The following WDR19 variants were observed in gnomAD, a reference collection of about 807,000 sequenced individuals.
The protein encoded by WDR19 is WD repeat-containing protein 19.
A neutral mutation model predicts 180.0 loss-of-function variants in WDR19; 121 were observed. The observed-to-expected ratio is 0.67, with a 90% CI of 0.58 to 0.78. The LOEUF (loss-of-function observed/expected upper bound fraction) is 0.78. Among genes scored for constraint, WDR19 ranks in the 30% least tolerant of loss-of-function variants. The pLI, the probability that WDR19 is intolerant of heterozygous loss-of-function variation, is 0.00. For synonymous variants in WDR19, 497 were observed against 540.7 expected (o/e 0.92, Z 1.12); for missense variants, 1,450 against 1,640.7 (o/e 0.88, Z 2.01).
intron 7 of WDR19, among the ~76,000 whole-genome samples, chr4:39,204,874 A>C (rs1727783973): frequency 6.6e-6 from 1 of 152,236 alleles, no homozygotes. Flanking sequence ...TGTAGTGTGC[A>C]GTACTCTAAT....
rs1405779387 is a variant in WDR19, at chr4:39,253,921, T to C, written c.2892T>C (p.Leu964=). The change falls in exon 26 of 37, where the codon CTT becomes CTC. Residue 964 remains leucine, a synonymous_variant. Transcript: ENST00000399820. ...AKMVARFFLQ[L]GDYGSAIQFL... ...TTTGCTTTAGGTTTTTTCTACAGCT[T>C]GGTGACTATGGGTCTGCCATCCAGT... 2 of 1,604,594 alleles carry C rather than the reference T, an allele frequency of 1.2e-6. No individual in the cohort carries two copies. Among genetic ancestry groups the C allele is most frequent in the Non-Finnish European group, 1.7e-6 (2 of 1,174,368 alleles).
intron 28 of WDR19, among the ~76,000 whole-genome samples, chr4:39,263,250 A>G (rs1279049968): frequency 6.6e-6 from 1 of 151,690 alleles, no homozygotes; most frequent in Non-Finnish European, 1.5e-5. Context: ...TGCCTTCCCC[A>G]CTCCATGAAC....
chr4:39,274,019 G>A (rs1284980493), intron 32 of WDR19: 8 of 152,200 alleles, frequency 5.3e-5, no homozygotes, highest in Admixed American at 2.6e-4. Flanking sequence ...TGAATAATAC[G>A]TAAACGAATG....
intron 17 of WDR19, 90 bp downstream of exon 17, chr4:39,228,780 G>T: frequency 1.6e-5 from 22 of 1,352,224 alleles, no homozygotes; most frequent in South Asian, 1.5e-4. Context: ...TTATTTTATT[G>T]CTTTATTCTT....
intron 7 of WDR19, 101 bp downstream of exon 7, chr4:39,203,823 G>A (rs759990278): frequency 2.5e-4 from 284 of 1,152,708 alleles, no homozygotes; most frequent in Non-Finnish European, 3.3e-4. Flanking sequence ...AAATAAATTA[G>A]GTCCATTGAC....
chr4:39,231,310 G>A (rs28680429), intron 17 of WDR19, among the ~76,000 whole-genome samples: 1,095 of 108,790 alleles, frequency 0.01, 24 homozygotes, highest in African/African-American at 0.045. Flanking sequence ...GTGAGACTCC[G>A]TCTTCAAAAA....
chr4:39,255,911 GAT>G lies in WDR19; in HGVS notation c.3068_3069del (p.Tyr1023SerfsTer18). On this transcript the variant is annotated frameshift_variant, in exon 27 of 37. Coordinates refer to ENST00000399820, the MANE Select transcript of WDR19 (RefSeq NM_025132.4). LOFTEE classifies it high-confidence loss of function. ...GCCTTATACTTTGAAGGAGAAAAGAGATATCTTCAGGCTGGAAAATTCTTCTT... is the reference window on the plus strand; with the variant it reads ...GCCTTATACTTTGAAGGAGAAAAGAGATCTTCAGGCTGGAAAATTCTTCTT... 6.2e-7 allele frequency: 1 copy of G among 1,608,652 alleles called. No homozygotes were observed.
chr4:39,220,560 A>T (rs868033658), intron 14 of WDR19, among the ~76,000 whole-genome samples: 3,687 of 64,112 alleles, frequency 0.058, no homozygotes, highest in Admixed American at 0.059. Flanking sequence ...GACCTCCTTG[A>T]TTTTTTTTTT....
intron 33 of WDR19, 43 bp downstream of exon 33, chr4:39,275,001 A>G: frequency 6.4e-7 from 1 of 1,564,588 alleles, no homozygotes; most frequent in Non-Finnish European, 8.6e-7. Context: ...CGTATTTCTC[A>G]AAGTATTTCC....
At chr4:39,280,496 A>C (rs1015744159) in intron 36 of WDR19, among the ~76,000 whole-genome samples, 1 of 151,974 alleles carries the variant, frequency 6.6e-6, no homozygotes, top group Non-Finnish European at 1.5e-5. Flanking sequence ...ATGTCCCTAC[A>C]AAAAAATAAT....
At chr4:39,221,942 C>T (rs1729748823) in intron 14 of WDR19, among the ~76,000 whole-genome samples, 1 of 152,024 alleles carries the variant, frequency 6.6e-6, no homozygotes, top group South Asian at 2.1e-4. Flanking sequence ...TGAGTTATTT[C>T]CAGTTTGGGG....
At chr4:39,189,906 G>A in intron 4 of WDR19, 125 bp downstream of exon 4, 1 of 1,112,950 alleles carries the variant, frequency 9.0e-7, no homozygotes, top group Non-Finnish European at 1.2e-6. Context: ...CATAGAAAAG[G>A]ATTATTTTTA....
At chr4:39,193,470 T>G (rs942001870) in intron 4 of WDR19, among the ~76,000 whole-genome samples, 1 of 152,218 alleles carries the variant, frequency 6.6e-6, no homozygotes, top group African/African-American at 2.4e-5. Flanking sequence ...AAATTAATTT[T>G]TTAACTAAGC....
chr4:39,272,905 T>G, intron 31 of WDR19, 75 bp from the exon 32 acceptor site: 2 of 1,260,286 alleles, frequency 1.6e-6, no homozygotes, highest in Non-Finnish European at 2.2e-6. Flanking sequence ...AAGGAGTTGT[T>G]TATTTGGGGG....
intron 1 of WDR19, among the ~76,000 whole-genome samples, chr4:39,183,756 T>C (rs1389177352): frequency 6.6e-6 from 1 of 152,196 alleles, no homozygotes; most frequent in Non-Finnish European, 1.5e-5. Context: ...ACGACTTACT[T>C]AAAGCCCTAC....
chr4:39,193,467 T>G (rs2109261188), intron 4 of WDR19, among the ~76,000 whole-genome samples: 1 of 152,278 alleles, frequency 6.6e-6, no homozygotes, highest in African/African-American at 2.4e-5. Flanking sequence ...CTAAAATTAA[T>G]TTTTTAACTA....
At chr4:39,192,682 G>A (rs190407882) in intron 4 of WDR19, among the ~76,000 whole-genome samples, 71 of 152,208 alleles carry the variant, frequency 4.7e-4, no homozygotes, top group African/African-American at 9.9e-4. Context: ...GGCTGGTCTC[G>A]AACTCCTGAC....
At chr4:39,203,584 T>C (rs1382881166) in intron 6 of WDR19, 58 bp from the exon 7 acceptor site, 5 of 1,390,692 alleles carry the variant, frequency 3.6e-6, no homozygotes, top group Non-Finnish European at 3.0e-6. Flanking sequence ...TCTATTAATA[T>C]TCAGAATGAA....
chr4:39,226,361 G>A (rs745991951), intron 15 of WDR19, among the ~76,000 whole-genome samples: 5 of 152,234 alleles, frequency 3.3e-5, no homozygotes, highest in Non-Finnish European at 4.4e-5. Context: ...GTCTGTCTAA[G>A]ATGGAGACAG....
Sources: allele counts gnomAD v4.1 joint callset (sites outside exome capture counted in the v4.1 genomes callset), GRCh38; gene constraint gnomAD v4.1.1; transcripts MANE v1.5; gene names NCBI Gene and HGNC (gene_info 2026-07-23, HGNC 2026-07-21).